FAM81B: variants seen among roughly 807,000 people sequenced by gnomAD.
The protein encoded by FAM81B is family with sequence similarity 81 member B, also known as protein FAM81B.
Under a neutral mutation model 58.7 loss-of-function variants are expected in FAM81B, and 60 were observed. The ratio of observed to expected loss-of-function variants is 1.02; its 90% CI spans 0.83 to 1.27. The LOEUF is 1.27. FAM81B is among the 50% of genes most tolerant of loss of function. The probability of loss-of-function intolerance (pLI) is 0.00; values close to 1 mark genes in which losing one functional copy is unlikely to be tolerated. For missense variants in FAM81B, 491 were observed against 522.0 expected, an observed-to-expected ratio of 0.94 and a Z score of 0.58; for synonymous variants, 189 against 179.6, an observed-to-expected ratio of 1.05 and a Z score of -0.42.
At chr5:95,405,743 CCAGGGG>C (rs1762227506) in intron 3 of FAM81B, among the ~76,000 whole-genome samples, 2 of 152,162 alleles carry the variant, frequency 1.3e-5, no homozygotes, top group Non-Finnish European at 2.9e-5. Context: ...TCCAGTGAGT[CCAGGGG>C]TGGGGTGTGG....
At chr5:95,394,759 G>T (rs571507292) in intron 2 of FAM81B, among the ~76,000 whole-genome samples, 1 of 152,156 alleles carries the variant, frequency 6.6e-6, no homozygotes, top group Non-Finnish European at 1.5e-5. Context: ...AGCCTTTTCT[G>T]CCTGCCCACC....
intron 3 of FAM81B, among the ~76,000 whole-genome samples, chr5:95,398,463 G>C (rs1762021836): frequency 6.7e-6 from 1 of 149,720 alleles, no homozygotes; most frequent in Non-Finnish European, 1.5e-5. Context: ...AAAAACTTCA[G>C]CCTTCAACTC....
chr5:95,444,623 T>C (rs556070469), intron 7 of FAM81B, among the ~76,000 whole-genome samples: 34 of 152,236 alleles, frequency 2.2e-4, no homozygotes, highest in African/African-American at 7.7e-4. Flanking sequence ...AGAACACGAA[T>C]AGAAACCAAC....
intron 3 of FAM81B, among the ~76,000 whole-genome samples, chr5:95,411,286 T>TGGAAATCCC (rs955558472): frequency 1.3e-5 from 2 of 152,150 alleles, no homozygotes; most frequent in Non-Finnish European, 2.9e-5. Flanking sequence ...ATACCAAATG[T>TGGAAATCCC]GGAAATCCCA....
chr5:95,392,808 A>T lies in FAM81B; in HGVS notation c.139A>T (p.Lys47Ter). ...SIMSSDTNVN[K>*]SASPTATAEE... ...TGGTTACCTAGATACAAATGTAAAC[A>T]AAAGTGCCTCTCCAACTGCGACTGC... The change falls in exon 2 of 10, where the codon AAA becomes TAA. Residue 47 changes from lysine (K) to a stop codon, truncating the protein, a stop_gained. Transcript: ENST00000283357. LOFTEE classifies it high-confidence loss of function. The T allele has an allele frequency of 6.2e-7, 1 of 1,610,312 alleles. No homozygotes were observed. Among genetic ancestry groups the T allele is most frequent in the Non-Finnish European group, 8.5e-7 (1 of 1,178,152 alleles).
At chr5:95,429,945 G>T (rs999815313) in intron 6 of FAM81B, among the ~76,000 whole-genome samples, 35 of 152,108 alleles carry the variant, frequency 2.3e-4, no homozygotes, top group African/African-American at 7.5e-4. Flanking sequence ...CAAATATCTA[G>T]AACCACCATA....
intron 6 of FAM81B, among the ~76,000 whole-genome samples, chr5:95,429,578 T>C (rs1257227606): frequency 6.6e-6 from 1 of 152,186 alleles, no homozygotes; most frequent in Non-Finnish European, 1.5e-5. Flanking sequence ...CATCTGGCTC[T>C]CCTTATCTAC....
chr5:95,449,238 T>G (rs1048932313), intron 9 of FAM81B, among the ~76,000 whole-genome samples: 1 of 152,170 alleles, frequency 6.6e-6, no homozygotes, highest in African/African-American at 2.4e-5. Flanking sequence ...TGGGAGGACA[T>G]GAGGGTCTCA....
chr5:95,426,131 T>C (rs1451239969), intron 5 of FAM81B, among the ~76,000 whole-genome samples: 3 of 144,520 alleles, frequency 2.1e-5, no homozygotes, highest in African/African-American at 5.0e-5. Flanking sequence ...TATGTACACA[T>C]ATATTTTAAG....
At chr5:95,421,300 G>T (rs533452900) in intron 5 of FAM81B, among the ~76,000 whole-genome samples, 1 of 152,218 alleles carries the variant, frequency 6.6e-6, no homozygotes, top group South Asian at 2.1e-4. Context: ...CAGAAGAGAG[G>T]CTTCCCAGGG....
chr5:95,446,783 A>G (rs1260853885), intron 8 of FAM81B, 86 bp downstream of exon 8: 1 of 1,518,036 alleles, frequency 6.6e-7, no homozygotes, highest in Admixed American at 2.2e-5. Context: ...GTACTTCAAC[A>G]TTTATGGTAA....
At chr5:95,403,392 A>C (rs1378588296) in intron 3 of FAM81B, among the ~76,000 whole-genome samples, 7 of 152,232 alleles carry the variant, frequency 4.6e-5, no homozygotes, top group Non-Finnish European at 1.5e-5. Flanking sequence ...ACTAGAGTAA[A>C]TATTGTATAT....
At chr5:95,440,879 C>T (rs147696886) in intron 7 of FAM81B, among the ~76,000 whole-genome samples, 119 of 152,250 alleles carry the variant, frequency 7.8e-4, no homozygotes, top group African/African-American at 2.8e-3. Flanking sequence ...TGCTGCAGGC[C>T]AGGGCCACCT....
chr5:95,436,042 T>C (rs964775475), intron 6 of FAM81B, among the ~76,000 whole-genome samples: 4 of 152,216 alleles, frequency 2.6e-5, no homozygotes, highest in Admixed American at 6.5e-5. Flanking sequence ...AGCTGAATTC[T>C]GTTTGACCAA....
At chr5:95,412,903 A>G (rs7704204) in intron 3 of FAM81B, among the ~76,000 whole-genome samples, 41,326 of 152,102 alleles carry the variant, frequency 0.27, 5,850 homozygotes, top group Non-Finnish European at 0.3. Context: ...TAGGTTGTCT[A>G]TGTTAGATTT....
chr5:95,428,101 G>T (rs1762896287), intron 5 of FAM81B, among the ~76,000 whole-genome samples: 5 of 152,172 alleles, frequency 3.3e-5, no homozygotes, highest in Admixed American at 3.3e-4. Context: ...TGAGAAATTG[G>T]AGAAGATGGA....
At position 95,428,717 on chromosome 5, in the gene FAM81B, G is replaced by C; in HGVS notation, c.771G>C (p.Lys257Asn). ...TGCCCGCCCTGGAAACTCTTTCCAA[G>C]AACTTGGACATGAAGGTAATTGAAA... ...EFVPALETLS[K>N]NLDMKVMQLL... Residue 257 changes from lysine (K) to asparagine (N), a missense_variant, in exon 6 of 10, where the codon AAG becomes AAC. Transcript: ENST00000283357. 6.2e-7 allele frequency: 1 copy of C among 1,613,872 alleles called. No individual in the cohort carries two copies. Among genetic ancestry groups the C allele is most frequent in the Non-Finnish European group, 8.5e-7 (1 of 1,179,784 alleles).
At chr5:95,437,242 C>T (rs2152768878) in intron 7 of FAM81B, among the ~76,000 whole-genome samples, 1 of 152,208 alleles carries the variant, frequency 6.6e-6, no homozygotes, top group South Asian at 2.1e-4. Context: ...TTTCATTCCT[C>T]AAGATTATCA....
chr5:95,424,960 T>C (rs947586505), intron 5 of FAM81B, among the ~76,000 whole-genome samples: 1 of 152,102 alleles, frequency 6.6e-6, no homozygotes, highest in Non-Finnish European at 1.5e-5. Context: ...CTATGAAGAT[T>C]AATCTACTTT....
Sources: gnomAD v4.1 joint callset for allele counts (sites outside exome capture counted in the v4.1 genomes callset) on GRCh38, gnomAD v4.1.1 for gene constraint, MANE v1.5 for transcripts, NCBI Gene and HGNC (gene_info 2026-07-23, HGNC 2026-07-21) for gene names.